Variants in FAT3 observed in about 807,000 individuals in gnomAD.
FAT3 encodes the protein protocadherin Fat 3.
FAT3 carries 95 observed loss-of-function variants against 310.2 expected under a neutral mutation model. The ratio of observed to expected loss-of-function variants is 0.31; its 90% CI spans 0.26 to 0.36. The LOEUF (loss-of-function observed/expected upper bound fraction) is 0.36. Among genes scored for constraint, FAT3 ranks in the 10% least tolerant of loss-of-function variants. The pLI is 1.00. For missense variants in FAT3, 5,408 were observed against 5,715.6 expected, an observed-to-expected ratio of 0.95 and a Z score of 1.74; for synonymous variants, 2,314 against 2,192.9, an observed-to-expected ratio of 1.06 and a Z score of -1.54.
rs1947623935 is a variant in FAT3, at chr11:92,809,977, C to A, written c.9382C>A (p.Pro3128Thr). The stretch of plus-strand genomic sequence containing the variant: ...AATCCTGGAGGATGTGAATGATAAC[C>A]CCCCTGTGTTTTCTTCTGACCACTA... ...HLILEDVNDN[P>T]PVFSSDHYNT... Residue 3128 changes from proline (P) to threonine (T), a missense_variant, in exon 13 of 28, where the codon CCC becomes ACC. Transcript: ENST00000525166. 4 of 1,613,916 alleles carry A rather than the reference C, an allele frequency of 2.5e-6. No homozygotes were observed. The highest frequency in any genetic ancestry group is 3.4e-6 in the Non-Finnish European group (4 of 1,179,836).
chr11:92,400,464 T>A, intron 2 of FAT3: 1 of 152,154 alleles, frequency 6.6e-6, no homozygotes, highest in East Asian at 1.9e-4. Flanking sequence ...TGGCGAGTAT[T>A]GTAAATGGAC....
chr11:92,855,980 CTT>C (rs58995060), intron 19 of FAT3, among the ~76,000 whole-genome samples: 480 of 129,160 alleles, frequency 3.7e-3, no homozygotes, highest in African/African-American at 0.012. Context: ...GGACAATATG[CTT>C]TTTTTTTTTT....
chr11:92,462,130 T>C (rs1024523537), intron 2 of FAT3, among the ~76,000 whole-genome samples: 1 of 152,204 alleles, frequency 6.6e-6, no homozygotes, highest in Non-Finnish European at 1.5e-5. Context: ...AAGGAATTAT[T>C]ATTTTGCTTT....
rs1302364367 is a variant in FAT3 at position 92,883,106 on chromosome 11, A to C, written c.12650A>C (p.Asp4217Ala). 1 of 1,613,752 alleles carries C rather than the reference A, an allele frequency of 6.2e-7. No homozygotes were observed. Among genetic ancestry groups the C allele is most frequent in the Non-Finnish European group, 8.5e-7 (1 of 1,179,882 alleles). The change falls in exon 24 of 28, where the codon GAC becomes GCC. Residue 4217 changes from aspartate (D) to alanine (A), a missense_variant. By Grantham distance (126) the Asp-to-Ala change is moderately radical. Coordinates refer to ENST00000525166, the MANE Select transcript of FAT3 (RefSeq NM_001367949.2). The surrounding 1 kb of genome is among the most constrained non-coding windows in gnomAD (Gnocchi z 4.2). ...TTCCGGAACCTGCGCGGCAGTGGGG[A>C]CGGCCGCAACGTCTACCAGGAGGTG... ...IPFRNLRGSG[D>A]GRNVYQEVGP... is the part of the protein sequence containing the mutation.
chr11:92,449,107 C>G (rs1951289227), intron 2 of FAT3, among the ~76,000 whole-genome samples: 1 of 152,146 alleles, frequency 6.6e-6, no homozygotes, highest in Non-Finnish European at 1.5e-5. Flanking sequence ...TCACAATATC[C>G]TCATCCCTAT....
At chr11:92,315,510 T>TAGAGAGAG (rs1197551111) in intron 1 of FAT3, among the ~76,000 whole-genome samples, 74 of 78,146 alleles carry the variant, frequency 9.5e-4, no homozygotes, top group Non-Finnish European at 1.2e-3. Context: ...TATATATATA[T>TAGAGAGAG]ATAGAGAGAG....
intron 3 of FAT3, among the ~76,000 whole-genome samples, chr11:92,653,810 A>C (rs1381260305): frequency 6.6e-6 from 1 of 152,182 alleles, no homozygotes; most frequent in Non-Finnish European, 1.5e-5. Flanking sequence ...TATATTCACT[A>C]TCCTTTCCTA....
At chr11:92,254,025 G>A (rs1000133992) in intron 1 of FAT3, among the ~76,000 whole-genome samples, 4 of 152,144 alleles carry the variant, frequency 2.6e-5, no homozygotes, top group African/African-American at 7.2e-5. Context: ...ATCCTTCACA[G>A]AAGCTCCAAA....
intron 1 of FAT3, among the ~76,000 whole-genome samples, chr11:92,250,172 C>T (rs1000419506): frequency 2.0e-5 from 3 of 152,110 alleles, no homozygotes; most frequent in South Asian, 2.1e-4. Flanking sequence ...TTTACAGATA[C>T]GAAGTGGTAC....
rs2136409551 is a variant in FAT3, at chr11:92,882,860, T to A, written c.12404T>A (p.Leu4135Gln). ...TPGYVGQYCG[L>Q]RPVVVPNIQA... ...GGCTACGTGGGCCAGTACTGCGGGC[T>A]GCGCCCCGTGGTGGTACCCAATATC... Residue 4135 changes from leucine (L) to glutamine (Q), a missense_variant, in exon 24 of 28, where the codon CTG (leucine) becomes CAG (glutamine). By Grantham distance (113) the Leu-to-Gln change is moderately radical. Around this residue, in one of 5 missense-constraint regions of FAT3, gnomAD observed 649 missense variants for 666.2 expected, o/e 0.97. Transcript: ENST00000525166. The A allele has an allele frequency of 6.2e-7, 1 of 1,612,160 alleles. No homozygotes were observed. Among genetic ancestry groups the A allele is most frequent in the Non-Finnish European group, 8.5e-7 (1 of 1,179,336 alleles).
chr11:92,537,917 G>T (rs1304157786), intron 3 of FAT3, among the ~76,000 whole-genome samples: 2 of 152,054 alleles, frequency 1.3e-5, no homozygotes, highest in Admixed American at 1.3e-4. Context: ...GAAGCCTTTA[G>T]GTTGGGTAAG....
intron 3 of FAT3, 107 bp from the exon 4 acceptor site, chr11:92,697,277 C>T (rs1943970456): frequency 2.4e-6 from 2 of 818,916 alleles, no homozygotes; most frequent in African/African-American, 3.4e-5. Context: ...TGGAAAGTTA[C>T]AGTTCCATAC....
At chr11:92,814,441 G>A (rs1322172711) in intron 13 of FAT3, among the ~76,000 whole-genome samples, 2 of 152,090 alleles carry the variant, frequency 1.3e-5, no homozygotes, top group East Asian at 3.8e-4. Context: ...AAACAGAAGA[G>A]GACAAGATAA....
At chr11:92,608,962 AC>A (rs1940435892) in intron 3 of FAT3, among the ~76,000 whole-genome samples, 1 of 152,118 alleles carries the variant, frequency 6.6e-6, no homozygotes, top group South Asian at 2.1e-4. Context: ...GAAAGAGAGA[AC>A]CTTTGGATAA....
intron 1 of FAT3, among the ~76,000 whole-genome samples, chr11:92,258,224 G>A (rs1039553476): frequency 1.3e-5 from 2 of 152,154 alleles, no homozygotes; most frequent in Non-Finnish European, 2.9e-5. Flanking sequence ...ATAAGTGTGA[G>A]TGCTTGCTAT....
chr11:92,366,750 TC>T, intron 2 of FAT3: 2 of 534,348 alleles, frequency 3.7e-6, no homozygotes, highest in Non-Finnish European at 7.6e-6. Context: ...ATTTCTTCAT[TC>T]CAAAAGAGTA....
chr11:92,512,513 A>G lies in FAT3; in HGVS notation c.3293-12121A>G, dbSNP rs559488259. Among the ~76,000 whole-genome samples, 161 of 146,990 alleles carry G rather than the reference A, an allele frequency of 1.1e-3. 1 individual carries two copies. Among genetic ancestry groups the G allele is most frequent in the Non-Finnish European group, 1.5e-3 (101 of 66,664 alleles). On this transcript the variant is annotated intron_variant, in intron 2 of 27. Transcript: ENST00000525166. ...CCTGTTTTATATCTCAAAAAAAAAT[A>G]TATATAAATATATATAAATTATATT...
chr11:92,575,354 T>G (rs1162455772), intron 3 of FAT3, among the ~76,000 whole-genome samples: 3 of 152,180 alleles, frequency 2.0e-5, no homozygotes, highest in African/African-American at 7.2e-5. Context: ...GAATTGATTG[T>G]AAATGATTTC....
intron 3 of FAT3, among the ~76,000 whole-genome samples, chr11:92,550,770 C>CTTTTTTT (rs11472875): frequency 7.0e-6 from 1 of 142,112 alleles, no homozygotes; most frequent in Non-Finnish European, 1.5e-5. Context: ...CCACATTTAT[C>CTTTTTTT]TTTTTTTTTT....
Sources: gnomAD v4.1 joint callset for allele counts (sites outside exome capture counted in the v4.1 genomes callset) on GRCh38, gnomAD v4.1.1 for gene constraint, gnomAD v4.1.1 regional missense constraint, Gnocchi (gnomAD v3.1) non-coding constraint, MANE v1.5 for transcripts, NCBI Gene and HGNC (gene_info 2026-07-23, HGNC 2026-07-21) for gene names.